Variants in THSD4 observed in about 807,000 individuals in gnomAD.
THSD4 encodes thrombospondin type-1 domain-containing protein 4.
A neutral mutation model predicts 119.0 loss-of-function variants in THSD4; 69 were observed. That is an observed-to-expected ratio of 0.58 (90% CI 0.48 to 0.71). THSD4 has a LOEUF of 0.71. Ranked by LOEUF, THSD4 falls within the 30% of genes least tolerant of loss-of-function variation. THSD4 has a pLI of 0.00. For synonymous variants in THSD4, 524 were observed against 540.4 expected, an observed-to-expected ratio of 0.97 and a Z score of 0.42; for missense variants, 1,393 against 1,391.1, an observed-to-expected ratio of 1.00 and a Z score of -0.02.
At chr15:71,330,092 A>C (rs2045402230) in intron 6 of THSD4, among the ~76,000 whole-genome samples, 1 of 151,748 alleles carries the variant, frequency 6.6e-6, no homozygotes, top group African/African-American at 2.4e-5. Context: ...CAAAGGAAAA[A>C]AAAAAAAAAG....
chr15:71,111,322 G>C, upstream of THSD4: 2 of 1,613,972 alleles, frequency 1.2e-6, no homozygotes, highest in Non-Finnish European at 8.5e-7. Context: ...CAGAGCTGTG[G>C]CTGCAGAATT....
chr15:71,415,431 T>C (rs2046746162), intron 7 of THSD4, among the ~76,000 whole-genome samples: 2 of 152,230 alleles, frequency 1.3e-5, no homozygotes, highest in South Asian at 4.1e-4. Context: ...ATAATATATA[T>C]TTATAGAGTA....
intron 4 of THSD4, among the ~76,000 whole-genome samples, chr15:71,228,356 C>T (rs1348884305): frequency 2.6e-5 from 4 of 152,106 alleles, no homozygotes; most frequent in African/African-American, 9.7e-5. Context: ...GGAAACAGAT[C>T]CTCCCCCAGA....
At chr15:71,597,097 C>T (rs941602068) in intron 7 of THSD4, among the ~76,000 whole-genome samples, 2 of 151,880 alleles carry the variant, frequency 1.3e-5, no homozygotes, top group South Asian at 4.2e-4. Context: ...TCTTATTGTT[C>T]CAAAAAATAC....
At chr15:71,402,770 G>A (rs967045982) in intron 6 of THSD4, among the ~76,000 whole-genome samples, 24 of 152,182 alleles carry the variant, frequency 1.6e-4, no homozygotes, top group African/African-American at 5.5e-4. Flanking sequence ...TGGGGGGTGT[G>A]ACTGACTGGA....
intron 7 of THSD4, among the ~76,000 whole-genome samples, chr15:71,575,999 T>TAA (rs2049441701): frequency 6.6e-6 from 1 of 152,186 alleles, no homozygotes; most frequent in African/African-American, 2.4e-5. Context: ...AATTTGTTCA[T>TAA]TTATATCACT....
intron 7 of THSD4, among the ~76,000 whole-genome samples, chr15:71,512,330 G>A (rs927589898): frequency 1.3e-5 from 2 of 152,132 alleles, no homozygotes; most frequent in African/African-American, 4.8e-5. Flanking sequence ...AGCTTTATTA[G>A]GAGTACTGGT....
At chr15:71,476,440 C>G (rs879311628) in intron 7 of THSD4, among the ~76,000 whole-genome samples, 7 of 152,270 alleles carry the variant, frequency 4.6e-5, no homozygotes, top group South Asian at 2.1e-4. Context: ...CAGGGTTTCA[C>G]CATGTTGGCC....
chr15:71,609,851 CAAA>C (rs369430349), intron 7 of THSD4, among the ~76,000 whole-genome samples: 3 of 115,566 alleles, frequency 2.6e-5, no homozygotes, highest in East Asian at 2.5e-4. Flanking sequence ...GACTCCGTCT[CAAA>C]AAAAAAAAAA....
At chr15:71,186,966 A>G (rs2043612061) in intron 3 of THSD4, 1 of 152,300 alleles carries the variant, frequency 6.6e-6, no homozygotes, top group East Asian at 1.9e-4. Context: ...GCTTCATGCA[A>G]TTTTAGTTTG....
intron 7 of THSD4, among the ~76,000 whole-genome samples, chr15:71,443,458 G>C (rs2047137318): frequency 1.3e-5 from 2 of 152,114 alleles, no homozygotes; most frequent in African/African-American, 4.8e-5. Flanking sequence ...GTATATATGA[G>C]CACCCCACCT....
At chr15:71,366,277 T>C (rs933076159) in intron 6 of THSD4, among the ~76,000 whole-genome samples, 3 of 152,142 alleles carry the variant, frequency 2.0e-5, no homozygotes, top group African/African-American at 7.2e-5. Context: ...GGTTTCACCA[T>C]GTTAGCCAGG....
At chr15:71,309,209 C>G (rs1255311844) in intron 6 of THSD4, among the ~76,000 whole-genome samples, 1 of 152,148 alleles carries the variant, frequency 6.6e-6, no homozygotes, top group Non-Finnish European at 1.5e-5. Context: ...CTCAGCCTCC[C>G]AAATTGCTAG....
At chr15:71,371,745 C>T (rs1170436615) in intron 6 of THSD4, among the ~76,000 whole-genome samples, 1 of 152,130 alleles carries the variant, frequency 6.6e-6, no homozygotes, top group Non-Finnish European at 1.5e-5. Flanking sequence ...GTGAATCTGA[C>T]AATTATGTGT....
chr15:71,548,916 C>G (rs1456050630), intron 7 of THSD4, among the ~76,000 whole-genome samples: 4 of 152,230 alleles, frequency 2.6e-5, no homozygotes, highest in African/African-American at 9.6e-5. Context: ...AGTGCTCCAG[C>G]AGCCCCTCAG....
chr15:71,365,131 T>TTGTGTGTGTGTGTGTGTGTGTGTGTGTG (rs10690804), intron 6 of THSD4, among the ~76,000 whole-genome samples: 74 of 135,906 alleles, frequency 5.4e-4, no homozygotes, highest in East Asian at 1.1e-3. Context: ...GCCCCCCCCA[T>TTGTGTGTGTGTGTGTGTGTGTGTGTGTG]TGTGTGTGTG....
At chr15:71,619,442 C>T (rs1461638886) in intron 7 of THSD4, among the ~76,000 whole-genome samples, 1 of 152,116 alleles carries the variant, frequency 6.6e-6, no homozygotes, top group African/African-American at 2.4e-5. Flanking sequence ...AAGGCAGGCC[C>T]CAGTGTTCGG....
chr15:71,693,327 A>C (rs2052093083), intron 8 of THSD4, among the ~76,000 whole-genome samples: 1 of 152,194 alleles, frequency 6.6e-6, no homozygotes, highest in African/African-American at 2.4e-5. Flanking sequence ...ATCCAGTAGC[A>C]GCAAGGATCC....
intron 7 of THSD4, among the ~76,000 whole-genome samples, chr15:71,624,240 G>T (rs1371800923): frequency 6.6e-6 from 1 of 152,196 alleles, no homozygotes. Context: ...GATACCAGCT[G>T]CCCCCAGTGA....
Sources: allele counts gnomAD v4.1 joint callset (sites outside exome capture counted in the v4.1 genomes callset), GRCh38; gene constraint gnomAD v4.1.1; transcripts MANE v1.5; gene names NCBI Gene and HGNC (gene_info 2026-07-23, HGNC 2026-07-21).